Variants in ZNF420 observed in about 807,000 individuals in gnomAD.
ZNF420 encodes zinc finger protein 420, also known as ATM and p53-associated KZNF protein.
In ZNF420, 31 loss-of-function variants were observed where a neutral mutation model predicts 44.7. That is an observed-to-expected ratio of 0.69 (90% CI 0.52 to 0.94). The LOEUF (loss-of-function observed/expected upper bound fraction) is 0.94, where lower values mean the gene tolerates loss of function less well. ZNF420 is among the 40% of genes least tolerant of loss of function. The pLI is 0.00. For synonymous variants in ZNF420, 245 were observed against 267.4 expected (o/e 0.92, Z 0.82); for missense variants, 681 against 827.9 (o/e 0.82, Z 2.18).
chr19:37,115,723 ATCC>A (rs1970639802), intron 4 of ZNF420, among the ~76,000 whole-genome samples: 1 of 151,714 alleles, frequency 6.6e-6, no homozygotes, highest in African/African-American at 2.4e-5. Context: ...TCTTTTACTA[ATCC>A]TCCTCAGCAC....
At chr19:37,022,183 G>T in intron 1 of ZNF420, among the ~76,000 whole-genome samples, 1 of 149,338 alleles carries the variant, frequency 6.7e-6, no homozygotes, top group Admixed American at 6.7e-5. Flanking sequence ...AATGTATAGG[G>T]GCAAAAAAAT....
At chr19:37,127,035 G>A in intron 4 of ZNF420, 93 bp from the exon 5 acceptor site, 1 of 1,095,144 alleles carries the variant, frequency 9.1e-7, no homozygotes, top group Non-Finnish European at 1.2e-6. Context: ...ACTCATGTAT[G>A]TCTGTTATTT....
intron 1 of ZNF420, among the ~76,000 whole-genome samples, chr19:37,037,235 C>T (rs1274790736): frequency 6.6e-6 from 1 of 152,106 alleles, no homozygotes; most frequent in African/African-American, 2.4e-5. Context: ...AGAGTATGGC[C>T]TAGAAGAGAA....
At chr19:37,079,858 G>C (rs1355391011) in intron 1 of ZNF420, among the ~76,000 whole-genome samples, 1 of 152,138 alleles carries the variant, frequency 6.6e-6, no homozygotes, top group Non-Finnish European at 1.5e-5. Flanking sequence ...GCTGGGCGTG[G>C]TGGCGCATGC....
At chr19:37,030,266 A>G (rs939873394) in intron 1 of ZNF420, among the ~76,000 whole-genome samples, 1 of 152,074 alleles carries the variant, frequency 6.6e-6, no homozygotes, top group East Asian at 1.9e-4. Flanking sequence ...GGTTCAAGCA[A>G]TTCTCCTACC....
chr19:37,048,953 G>C (rs1967591634), intron 1 of ZNF420, among the ~76,000 whole-genome samples: 1 of 144,692 alleles, frequency 6.9e-6, no homozygotes, highest in South Asian at 2.2e-4. Flanking sequence ...ACCTATGAAT[G>C]AGAACATGTG....
intron 1 of ZNF420, among the ~76,000 whole-genome samples, chr19:37,055,677 T>TC (rs1260899362): frequency 6.6e-6 from 1 of 152,204 alleles, no homozygotes; most frequent in Non-Finnish European, 1.5e-5. Flanking sequence ...TGAGGACGAC[T>TC]CCATCAACCT....
rs371545478 is a variant in ZNF420, at chr19:37,010,857, C to T, written c.-125+2775C>T. On this transcript the variant is annotated intron_variant, in intron 1 of 4. Coordinates refer to the ZNF420 transcript ENST00000587029. ...ACTCCAGCCAAGGACAAAAGCCTCA[C>T]AGGAGCTCACTGTCCTGCAGGAGGG... 2.9e-4 allele frequency among the ~76,000 whole-genome samples: 44 copies of T among 152,298 alleles called. 1 individual carries two copies. The Middle Eastern group carries it at 0.01, about 35-fold the overall frequency.
chr19:37,124,101 T>C lies in ZNF420; in HGVS notation c.137-3027T>C, dbSNP rs188808428. ...CTTCTTTCATTGTCAACCTCTCCCC[T>C]TTAACCATTCCCAGCCTATGAAAAA... On this transcript the variant is annotated intron_variant, in intron 4 of 4. Transcript: ENST00000337995. 6.2e-3 allele frequency among the ~76,000 whole-genome samples: 937 copies of C among 152,268 alleles called. 27 individuals are homozygous for C. Among genetic ancestry groups the C allele is most frequent in the East Asian group, 0.05 (257 of 5,178 alleles).
chr19:37,105,810 G>C (rs1970045965), intron 4 of ZNF420, among the ~76,000 whole-genome samples: 1 of 152,052 alleles, frequency 6.6e-6, no homozygotes. Context: ...GTGAATGGGA[G>C]TTCACTCATG....
chr19:37,039,216 G>A (rs1206301190), intron 1 of ZNF420, among the ~76,000 whole-genome samples: 1 of 152,104 alleles, frequency 6.6e-6, no homozygotes, highest in African/African-American at 2.4e-5. Flanking sequence ...GTTCTTAATG[G>A]CATCTACAAT....
At chr19:37,088,726 G>A (rs7257135) in intron 2 of ZNF420, among the ~76,000 whole-genome samples, 36,055 of 152,064 alleles carry the variant, frequency 0.24, 4,980 homozygotes, top group Non-Finnish European at 0.32. Flanking sequence ...GCCTTCTAAT[G>A]TAGTTGTGTA....
At chr19:37,036,318 A>G (rs192667376) in intron 1 of ZNF420, among the ~76,000 whole-genome samples, 6 of 152,344 alleles carry the variant, frequency 3.9e-5, no homozygotes, top group African/African-American at 1.2e-4. Context: ...TACATATTGT[A>G]TGCATGTATC....
chr19:37,129,346 T>A lies in ZNF420; in HGVS notation c.*288T>A, dbSNP rs1402468. On this transcript the variant is annotated 3_prime_UTR_variant, in exon 5 of 5. Transcript: ENST00000337995. Reference sequence around the variant, plus strand: ...GTTATCTTAGCTCTACTAGTTGATCTTTTTGTTATATGTATCATGATACTT... The same window carrying A: ...GTTATCTTAGCTCTACTAGTTGATCATTTTGTTATATGTATCATGATACTT... 163,684 of 353,676 alleles carry A rather than the reference T, an allele frequency of 0.46. 39,430 individuals carry two copies. The highest frequency in any genetic ancestry group is 0.51 in the Middle Eastern group (619 of 1,214). The allele number at this position is 353,676 out of a possible 1,614,324, so 21.9% of individuals were successfully genotyped here. A position where few individuals can be genotyped will look rare whatever the true frequency, so the allele number is the denominator to read the frequency against.
chr19:37,093,876 A>G (rs1368343138), intron 4 of ZNF420, among the ~76,000 whole-genome samples: 1 of 152,208 alleles, frequency 6.6e-6, no homozygotes, highest in Non-Finnish European at 1.5e-5. Context: ...TAATGAACAC[A>G]GACAGCATTT....
At chr19:37,017,240 C>G (rs1279347879) in intron 1 of ZNF420, among the ~76,000 whole-genome samples, 3 of 152,146 alleles carry the variant, frequency 2.0e-5, no homozygotes, top group South Asian at 2.1e-4. Context: ...TGATTGGTGT[C>G]TGAAGTGAGA....
chr19:37,022,166 T>C (rs1259839050), intron 1 of ZNF420, among the ~76,000 whole-genome samples: 2 of 151,588 alleles, frequency 1.3e-5, no homozygotes, highest in Non-Finnish European at 2.9e-5. Flanking sequence ...TGTCAAATTA[T>C]ATATCAAATG....
chr19:37,099,835 G>C (rs1362864898), intron 4 of ZNF420, among the ~76,000 whole-genome samples: 1 of 152,168 alleles, frequency 6.6e-6, no homozygotes, highest in Non-Finnish European at 1.5e-5. Flanking sequence ...GTGTTAGCCA[G>C]GATGGTCTCA....
At chr19:37,097,179 GGT>G (rs1969504973) in intron 4 of ZNF420, among the ~76,000 whole-genome samples, 1 of 151,812 alleles carries the variant, frequency 6.6e-6, no homozygotes, top group South Asian at 2.1e-4. Flanking sequence ...TTAGTTTCAT[GGT>G]TTTTTCTTAA....
Sources: gnomAD v4.1 joint callset for allele counts (sites outside exome capture counted in the v4.1 genomes callset) on GRCh38, gnomAD v4.1.1 for gene constraint, MANE v1.5 for transcripts, NCBI Gene and HGNC (gene_info 2026-07-23, HGNC 2026-07-21) for gene names.